The following SHC2 variants were observed in gnomAD, a reference collection of about 807,000 sequenced individuals.
The protein encoded by SHC2 is SHC-transforming protein 2.
Under a neutral mutation model 60.6 loss-of-function variants are expected in SHC2, and 62 were observed. The ratio of observed to expected loss-of-function variants is 1.02; its 90% CI spans 0.83 to 1.26. SHC2 has a LOEUF of 1.26. SHC2 is among the 50% of genes most tolerant of loss of function. The pLI is 0.00. For missense variants in SHC2, 873 were observed against 822.2 expected, an observed-to-expected ratio of 1.06 and a Z score of -0.76; for synonymous variants, 375 against 372.4, an observed-to-expected ratio of 1.01 and a Z score of -0.08.
At chr19:420,777 C>T (rs1974249573) in intron 11 of SHC2, among the ~76,000 whole-genome samples, 2 of 152,210 alleles carry the variant, frequency 1.3e-5, no homozygotes, top group Non-Finnish European at 2.9e-5. Context: ...TTAGGCCGGG[C>T]GCGGTGGCTC....
chr19:425,371 C>G lies in SHC2; in HGVS notation c.1175-140G>C. On this transcript the variant is annotated intron_variant, in intron 9 of 12. Coordinates refer to ENST00000264554, the MANE Select transcript of SHC2 (RefSeq NM_012435.3). The surrounding 1 kb of genome is among the most constrained non-coding windows in gnomAD (Gnocchi z 4.1). Reference sequence around the variant, plus strand: ...CAGGGCGGATGCTGCTCTGGTCTCCCTGTGGTAACCCGCCCGTCTGCAGGT... The same window carrying G: ...CAGGGCGGATGCTGCTCTGGTCTCCGTGTGGTAACCCGCCCGTCTGCAGGT... 1 of 667,588 alleles carries G rather than the reference C, an allele frequency of 1.5e-6. No homozygotes were observed. The highest frequency in any genetic ancestry group is 4.3e-5 in the Admixed American group (1 of 23,106). 41.4% of individuals were successfully genotyped at this position (667,588 alleles called of 1,614,324 possible). A position where few individuals can be genotyped will look rare whatever the true frequency, so the allele number is the denominator to read the frequency against.
rs1016670132 is a variant in SHC2 at position 429,178 on chromosome 19, G to A, written c.1174+1506C>T. On this transcript the variant is annotated intron_variant, in intron 9 of 12. Transcript: ENST00000264554. Reference sequence around the variant, plus strand: ...CCAACATGCACAGAAACCTAACACCGTGTGGATGACGCAGTACCTATATCC... The same window carrying A: ...CCAACATGCACAGAAACCTAACACCATGTGGATGACGCAGTACCTATATCC... 2.7e-5 allele frequency among the ~76,000 whole-genome samples: 4 copies of A among 148,192 alleles called. 1 individual carries two copies. The highest frequency in any genetic ancestry group is 1.4e-4 in the Admixed American group (2 of 14,550).
At chr19:428,943 G>A (rs571624336) in intron 9 of SHC2, among the ~76,000 whole-genome samples, 1 of 146,100 alleles carries the variant, frequency 6.8e-6, no homozygotes, top group African/African-American at 2.6e-5. Context: ...TGTGGATGAC[G>A]CAGTACCTAT....
chr19:447,718 C>T (rs889549330), intron 1 of SHC2, among the ~76,000 whole-genome samples: 3 of 151,896 alleles, frequency 2.0e-5, no homozygotes, highest in Non-Finnish European at 4.4e-5. Context: ...GCGGAGGTTG[C>T]GGTGAGCCGA....
At position 422,196 on chromosome 19, in the gene SHC2, T is replaced by C. The variant is rs745585433; in HGVS notation, c.1570A>G (p.Met524Val). ...TNPGQYVLTG[M>V]HAGQPKHLLL... is the part of the protein sequence containing the mutation. ...AGGTGCTTGGGCTGCCCGGCGTGCA[T>C]GCCGGTGAGGACATACTGCCCGGGG... The change falls in exon 11 of 13, where the codon ATG (methionine) becomes GTG (valine). Residue 524 changes from methionine to valine, a missense_variant. Transcript: ENST00000264554. The surrounding 1 kb of genome is among the most constrained non-coding windows in gnomAD (Gnocchi z 5.0). The C allele has an allele frequency of 3.1e-6, 5 of 1,612,552 alleles. No individual in the cohort carries two copies. The highest frequency in any genetic ancestry group is 3.3e-5 in the Admixed American group (2 of 59,964).
rs1244596610 is a variant in SHC2 at position 429,980 on chromosome 19, C to G, written c.1174+704G>C. ...TAATACCATGTGGATGACGCAGTAC[C>G]TATACCCAACATGCACGGAAACCTA... On this transcript the variant is annotated intron_variant, in intron 9 of 12. Transcript: ENST00000264554. Among the ~76,000 whole-genome samples, 10 of 150,068 alleles carry G rather than the reference C, an allele frequency of 6.7e-5. No individual in the cohort carries two copies. In the East Asian group the frequency reaches 9.9e-4, roughly 15 times the overall value.
At chr19:449,584 G>A (rs772423968) in intron 1 of SHC2, among the ~76,000 whole-genome samples, 1 of 152,022 alleles carries the variant, frequency 6.6e-6, no homozygotes, top group Non-Finnish European at 1.5e-5. Context: ...GGGTAGAGGG[G>A]TATCACGGCT....
intron 9 of SHC2, among the ~76,000 whole-genome samples, chr19:428,008 C>G (rs898765785): frequency 2.6e-5 from 4 of 152,182 alleles, no homozygotes; most frequent in African/African-American, 9.7e-5. Flanking sequence ...AAGGGAGGAT[C>G]TCTTGAGCCC....
chr19:422,277 C>T lies in SHC2; in HGVS notation c.1489G>A (p.Ala497Thr), dbSNP rs1301746398. The change falls in exon 11 of 13, where the codon GCA becomes ACA. Residue 497 changes from alanine (A) to threonine (T), a missense_variant. By Grantham distance (58) the Ala-to-Thr change is moderately conservative. Transcript: ENST00000264554. The surrounding 1 kb of genome is among the most constrained non-coding windows in gnomAD (Gnocchi z 5.0). The stretch of plus-strand genomic sequence containing the variant: ...CCGTCAGCTCGAAGCATCCTCTCTG[C>T]CGCCCGGCGGCTCATCCGGCCGTGG... The part of the protein sequence containing the change: ...WYHGRMSRRA[A>T]ERMLRADGDF... 8 of 1,612,274 alleles carry T rather than the reference C, an allele frequency of 5.0e-6. No homozygotes were observed. The Admixed American group carries it at 1.0e-4, about 20-fold the overall frequency.
At chr19:452,064 C>G in intron 1 of SHC2, among the ~76,000 whole-genome samples, 1 of 152,326 alleles carries the variant, frequency 6.6e-6, no homozygotes, top group East Asian at 1.9e-4. Context: ...CTGTGCTTCC[C>G]GGAGAGTGGA....
At chr19:428,484 C>T (rs1385014801) in intron 9 of SHC2, among the ~76,000 whole-genome samples, 1 of 152,164 alleles carries the variant, frequency 6.6e-6, no homozygotes, top group African/African-American at 2.4e-5. Context: ...TGGGAAGAAC[C>T]CCTGATGTTT....
chr19:421,929 C>A (rs1398303440), intron 11 of SHC2, among the ~76,000 whole-genome samples: 1 of 152,192 alleles, frequency 6.6e-6, no homozygotes, highest in East Asian at 1.9e-4. Flanking sequence ...CTGGAAAATA[C>A]TTTGTAATTC....
chr19:418,053 C>T (rs1384491472), intron 12 of SHC2, among the ~76,000 whole-genome samples: 2 of 152,200 alleles, frequency 1.3e-5, no homozygotes, highest in East Asian at 3.9e-4. Context: ...CCAACCTCAC[C>T]CCAGAGGAGA....
chr19:422,345 G>C lies in SHC2; in HGVS notation c.1421C>G (p.Pro474Arg). The change falls in exon 11 of 13, where the codon CCT becomes CGT. Residue 474 changes from proline to arginine, a missense_variant. By Grantham distance (103) the Pro-to-Arg change is moderately radical. Coordinates refer to ENST00000264554, the MANE Select transcript of SHC2 (RefSeq NM_012435.3). This position sits in a 1 kb window ranked among gnomAD's most constrained non-coding sequence, Gnocchi z 5.0. ...QWPSPPTRRA[P>R]VAPTEEQLRQ... ...CAGCTGTTCCTCCGTGGGGGCCACA[G>C]GGGCCCGGCGGGTAGGGGGGCTGGG... 6.2e-7 allele frequency: 1 copy of C among 1,607,576 alleles called. No homozygotes were observed. The highest frequency in any genetic ancestry group is 1.1e-5 in the South Asian group (1 of 90,074).
At position 441,656 on chromosome 19, in the gene SHC2, G is replaced by T. The variant is rs1401840805; in HGVS notation, c.469-724C>A. Among the ~76,000 whole-genome samples, 1 of 152,228 alleles carries T rather than the reference G, an allele frequency of 6.6e-6. No homozygotes were observed. Among genetic ancestry groups the T allele is most frequent in the Non-Finnish European group, 1.5e-5 (1 of 68,034 alleles). On this transcript the variant is annotated intron_variant, in intron 1 of 12. Transcript: ENST00000264554. This position sits in a 1 kb window ranked among gnomAD's most constrained non-coding sequence, Gnocchi z 4.9. Reference sequence around the variant, plus strand: ...ACAGAGGCAGCAAGAGCATGTGTGGGTGCCAGGAGCCGGGGAATGAAGGCT... The same window carrying T: ...ACAGAGGCAGCAAGAGCATGTGTGGTTGCCAGGAGCCGGGGAATGAAGGCT...
chr19:436,707 G>T, intron 4 of SHC2, 24 bp from the exon 5 acceptor site: 2 of 1,597,238 alleles, frequency 1.3e-6, no homozygotes. Context: ...AGGCACACGC[G>T]GTCATGGGGG....
chr19:431,447 T>C (rs1313598351), intron 8 of SHC2, among the ~76,000 whole-genome samples: 1 of 73,544 alleles, frequency 1.4e-5, no homozygotes, highest in Non-Finnish European at 2.4e-5. Context: ...AGATGGCGCT[T>C]CATCGTGAGT....
rs1052576082 is a variant in SHC2 at position 440,436 on chromosome 19, T to C, written c.539+426A>G. Among the ~76,000 whole-genome samples the C allele has an allele frequency of 1.3e-5, 2 of 152,208 alleles. No homozygotes were observed. The highest frequency in any genetic ancestry group is 4.8e-5 in the African/African-American group (2 of 41,448). ...CACAGAAAAAAAGGGTGTCGCTCTC[T>C]TCCCTGCTTAAGCCCTGGCCATATC... On this transcript the variant is annotated intron_variant, in intron 2 of 12. Coordinates refer to ENST00000264554, the MANE Select transcript of SHC2 (RefSeq NM_012435.3). The surrounding 1 kb of genome is among the most constrained non-coding windows in gnomAD (Gnocchi z 7.0).
At chr19:457,597 G>C (rs899021186) in intron 1 of SHC2, among the ~76,000 whole-genome samples, 3 of 152,130 alleles carry the variant, frequency 2.0e-5, no homozygotes, top group Non-Finnish European at 2.9e-5. Flanking sequence ...GAGCAGGAAC[G>C]AGGTCTCTCA....
Sources: gnomAD v4.1 joint callset for allele counts (sites outside exome capture counted in the v4.1 genomes callset) on GRCh38, gnomAD v4.1.1 for gene constraint, Gnocchi (gnomAD v3.1) non-coding constraint, MANE v1.5 for transcripts, NCBI Gene and HGNC (gene_info 2026-07-23, HGNC 2026-07-21) for gene names.